The following KHDRBS2 variants were observed in gnomAD, a reference collection of about 807,000 sequenced individuals.
The protein encoded by KHDRBS2 is KH RNA binding domain containing, signal transduction associated 2, also known as KH domain-containing, RNA-binding, signal transduction-associated protein 2.
KHDRBS2 carries 26 observed loss-of-function variants against 44.3 expected under a neutral mutation model. The ratio of observed to expected loss-of-function variants is 0.59; its 90% CI spans 0.43 to 0.81. KHDRBS2 has a LOEUF of 0.81. Ranked by LOEUF, KHDRBS2 falls within the 40% of genes least tolerant of loss-of-function variation. The pLI is 0.00. For missense variants in KHDRBS2, 476 were observed against 433.1 expected, an observed-to-expected ratio of 1.10 and a Z score of -0.88; for synonymous variants, 194 against 151.1, an observed-to-expected ratio of 1.28 and a Z score of -2.08.
Position 62,221,441 on chromosome 6 carries a change from T to C in KHDRBS2, c.92-44129A>G, listed in dbSNP as rs185349893. Among the ~76,000 whole-genome samples, 108 of 152,132 alleles carry C rather than the reference T, an allele frequency of 7.1e-4. 1 individual carries two copies. The highest frequency in any genetic ancestry group is 2.4e-3 in the African/African-American group (100 of 41,554). ...GTATTCAAGATTTTTGCTAATTGAG[T>C]AGATATTAGCTGCTCTTGCCACGAA... On this transcript the variant is annotated intron_variant, in intron 1 of 8. Coordinates refer to ENST00000281156, the MANE Select transcript of KHDRBS2 (RefSeq NM_152688.4).
intron 2 of KHDRBS2, among the ~76,000 whole-genome samples, chr6:62,161,612 T>G (rs1450767368): frequency 8.2e-5 from 12 of 145,636 alleles, no homozygotes; most frequent in African/African-American, 2.9e-4. Flanking sequence ...CTCTGAAGAT[T>G]TCAATGAAAA....
At chr6:61,665,654 G>A in the KHDRBS2 span, among the ~76,000 whole-genome samples, 2 of 151,094 alleles carry the variant, frequency 1.3e-5, no homozygotes, top group African/African-American at 4.8e-5. Context: ...ATTCATTTAT[G>A]TAAGTAAGTG....
intron 3 of KHDRBS2, among the ~76,000 whole-genome samples, chr6:61,980,894 T>G (rs771980593): frequency 6.6e-6 from 1 of 152,200 alleles, no homozygotes; most frequent in Non-Finnish European, 1.5e-5. Flanking sequence ...TGTACTACAG[T>G]TCACCTTTTG....
chr6:62,205,214 C>A (rs922575580), intron 1 of KHDRBS2, among the ~76,000 whole-genome samples: 1 of 152,104 alleles, frequency 6.6e-6, no homozygotes, highest in Non-Finnish European at 1.5e-5. Flanking sequence ...GCTACTGCTA[C>A]TACTATGAGT....
intron 2 of KHDRBS2, among the ~76,000 whole-genome samples, chr6:62,100,140 T>G (rs1801531194): frequency 6.6e-6 from 1 of 152,150 alleles, no homozygotes. Flanking sequence ...TGGATGGCCT[T>G]GAGGGTTTCA....
chr6:62,213,345 A>T lies in KHDRBS2; in HGVS notation c.92-36033T>A, dbSNP rs1442923086. Among the ~76,000 whole-genome samples the T allele has an allele frequency of 3.9e-5, 6 of 152,074 alleles. No individual in the cohort carries two copies. In the East Asian group the frequency reaches 1.2e-3, roughly 29 times the overall value. On this transcript the variant is annotated intron_variant, in intron 1 of 8. Coordinates refer to ENST00000281156, the MANE Select transcript of KHDRBS2 (RefSeq NM_152688.4). ...TGAGGTTGCAGTTGCATAGCGCAGA[A>T]TATGAAAAAAAAAATTCTGAGAATA... is the stretch of plus-strand genomic sequence containing the variant.
At chr6:62,201,931 G>C (rs1364309534) in intron 1 of KHDRBS2, among the ~76,000 whole-genome samples, 1 of 152,018 alleles carries the variant, frequency 6.6e-6, no homozygotes, top group East Asian at 1.9e-4. Context: ...CTGGATTTCA[G>C]AAATATTTAT....
intron 2 of KHDRBS2, among the ~76,000 whole-genome samples, chr6:62,084,904 G>C (rs1798115062): frequency 6.6e-6 from 1 of 152,044 alleles, no homozygotes; most frequent in Admixed American, 6.6e-5. Flanking sequence ...AAAGATAAGT[G>C]ATTTAGTGAA....
the KHDRBS2 span, among the ~76,000 whole-genome samples, chr6:61,648,192 T>C: frequency 6.6e-6 from 1 of 152,142 alleles, no homozygotes; most frequent in African/African-American, 2.4e-5. Flanking sequence ...CCCTCAATTA[T>C]GCCATCTTGA....
At chr6:61,603,212 G>T in the KHDRBS2 span, among the ~76,000 whole-genome samples, 1 of 152,052 alleles carries the variant, frequency 6.6e-6, no homozygotes, top group Admixed American at 6.6e-5. Flanking sequence ...CCTAAAACCA[G>T]ACAGGCCTTA....
chr6:62,198,515 A>G (rs1826174130), intron 1 of KHDRBS2, among the ~76,000 whole-genome samples: 1 of 152,072 alleles, frequency 6.6e-6, no homozygotes, highest in South Asian at 2.1e-4. Flanking sequence ...CGACACATAC[A>G]CCCTCCCAAG....
At chr6:62,157,943 C>T (rs943396997) in intron 2 of KHDRBS2, among the ~76,000 whole-genome samples, 41 of 152,048 alleles carry the variant, frequency 2.7e-4, no homozygotes, top group African/African-American at 8.9e-4. Context: ...TTAAATGTGC[C>T]TCAATCTTCT....
rs184595517 is a variant in KHDRBS2 at position 62,008,205 on chromosome 6, G to C, written c.337-29993C>G. Reference sequence around the variant, plus strand: ...CAAATAAAATGCAGATTTGCAGCTGGATATAACCTGCCTCAGTACGGTATT... The same window carrying C: ...CAAATAAAATGCAGATTTGCAGCTGCATATAACCTGCCTCAGTACGGTATT... On this transcript the variant is annotated intron_variant, in intron 3 of 8. Coordinates refer to ENST00000281156, the MANE Select transcript of KHDRBS2 (RefSeq NM_152688.4). Among the ~76,000 whole-genome samples the C allele has an allele frequency of 1.6e-3, 247 of 152,240 alleles. 1 individual carries two copies. The highest frequency in any genetic ancestry group is 5.7e-3 in the African/African-American group (235 of 41,552).
intron 6 of KHDRBS2, among the ~76,000 whole-genome samples, chr6:61,856,106 C>T (rs766279227): frequency 2.6e-5 from 4 of 152,040 alleles, no homozygotes; most frequent in Non-Finnish European, 5.9e-5. Flanking sequence ...GTATAGTTTT[C>T]ATACAGTGTT....
the KHDRBS2 span, among the ~76,000 whole-genome samples, chr6:61,646,895 C>A: frequency 1.3e-5 from 2 of 152,144 alleles, no homozygotes; most frequent in Admixed American, 6.5e-5. Flanking sequence ...TCTTGGCTCA[C>A]TGCAACCTCC....
At chr6:61,762,106 T>A (rs773560416) in intron 6 of KHDRBS2, among the ~76,000 whole-genome samples, 36 of 152,298 alleles carry the variant, frequency 2.4e-4, no homozygotes, top group Admixed American at 5.9e-4. Flanking sequence ...TTATATTTCA[T>A]ACACTTCAAT....
At chr6:61,905,182 T>C (rs1804736509) in intron 4 of KHDRBS2, among the ~76,000 whole-genome samples, 1 of 152,144 alleles carries the variant, frequency 6.6e-6, no homozygotes, top group Admixed American at 6.5e-5. Context: ...CAAAGACTCA[T>C]GAAGATGGGC....
At chr6:61,969,408 T>C (rs1423913466) in intron 4 of KHDRBS2, among the ~76,000 whole-genome samples, 1 of 152,060 alleles carries the variant, frequency 6.6e-6, no homozygotes, top group Admixed American at 6.6e-5. Flanking sequence ...GGGTTTCTTT[T>C]GTTGTAACAA....
At chr6:61,987,022 T>C (rs1775174181) in intron 3 of KHDRBS2, among the ~76,000 whole-genome samples, 1 of 152,206 alleles carries the variant, frequency 6.6e-6, no homozygotes, top group Non-Finnish European at 1.5e-5. Flanking sequence ...CTACAATATG[T>C]TACATGGATC....
Sources: gnomAD v4.1 joint callset for allele counts (sites outside exome capture counted in the v4.1 genomes callset) on GRCh38, gnomAD v4.1.1 for gene constraint, MANE v1.5 for transcripts, NCBI Gene and HGNC (gene_info 2026-07-23, HGNC 2026-07-21) for gene names.